ZNF438: variants seen among roughly 807,000 people sequenced by gnomAD.
ZNF438 encodes zinc finger protein 438.
A neutral mutation model predicts 38.0 loss-of-function variants in ZNF438; 25 were observed. The observed-to-expected ratio is 0.66, with a 90% CI of 0.48 to 0.92. The LOEUF (loss-of-function observed/expected upper bound fraction) is 0.92. ZNF438 is among the 40% of genes least tolerant of loss of function. The pLI, the probability that ZNF438 is intolerant of heterozygous loss-of-function variation, is 0.00. For synonymous variants in ZNF438, 372 were observed against 364.1 expected, an observed-to-expected ratio of 1.02 and a Z score of -0.25; for missense variants, 1,007 against 999.6, an observed-to-expected ratio of 1.01 and a Z score of -0.10.
At chr10:30,956,277 T>G (rs375618731) in intron 1 of ZNF438, among the ~76,000 whole-genome samples, 106 of 152,288 alleles carry the variant, frequency 7.0e-4, no homozygotes, top group African/African-American at 2.3e-3. Context: ...AGAGAGACTG[T>G]TAGTGAAATG....
chr10:31,011,041 A>G (rs2055649843), intron 1 of ZNF438, among the ~76,000 whole-genome samples: 3 of 152,150 alleles, frequency 2.0e-5, no homozygotes, highest in South Asian at 4.1e-4. Context: ...ACTCAGGAAG[A>G]TGCACCATGC....
chr10:30,848,412 T>G (rs1175856780), intron 5 of ZNF438, 119 bp downstream of exon 6: 74 of 1,229,056 alleles, frequency 6.0e-5, no homozygotes. Flanking sequence ...CATAGCTACT[T>G]TATGAAATCT....
intron 1 of ZNF438, among the ~76,000 whole-genome samples, chr10:30,978,110 C>T (rs770063461): frequency 5.3e-5 from 8 of 152,080 alleles, no homozygotes; most frequent in Non-Finnish European, 1.2e-4. Context: ...AACCAAGAAC[C>T]AGTTGTAATT....
intron 1 of ZNF438, among the ~76,000 whole-genome samples, chr10:31,029,238 T>C (rs2793117): frequency 0.016 from 2,484 of 152,322 alleles, 29 homozygotes; most frequent in Non-Finnish European, 0.026. Flanking sequence ...AATGGTTCCT[T>C]GCACATATAA....
chr10:30,901,699 C>T (rs1466482367), intron 3 of ZNF438, among the ~76,000 whole-genome samples: 1 of 151,128 alleles, frequency 6.6e-6, no homozygotes, highest in Admixed American at 6.6e-5. Context: ...TGGCGATAGG[C>T]GATGGTCCCT....
intron 4 of ZNF438, among the ~76,000 whole-genome samples, chr10:30,874,114 G>GTATATATATATATATATA (rs58422289): frequency 6.2e-5 from 5 of 80,288 alleles, no homozygotes; most frequent in South Asian, 3.9e-4. Context: ...GTGTGTGTGT[G>GTATATATATATATATATA]TATATATATA....
intron 3 of ZNF438, among the ~76,000 whole-genome samples, chr10:30,885,870 A>G (rs1432898533): frequency 2.0e-5 from 3 of 152,212 alleles, no homozygotes; most frequent in Non-Finnish European, 4.4e-5. Flanking sequence ...CCTGGGAAAT[A>G]AAAAAATTCA....
intron 2 of ZNF438, among the ~76,000 whole-genome samples, chr10:30,927,183 C>T (rs17229725): frequency 0.083 from 12,645 of 152,264 alleles, 606 homozygotes; most frequent in Non-Finnish European, 0.11. Flanking sequence ...GCACATGTTA[C>T]TAACTACAAG....
chr10:30,850,961 T>C (rs1371792972), intron 4 of ZNF438, among the ~76,000 whole-genome samples: 6 of 152,232 alleles, frequency 3.9e-5, no homozygotes, highest in South Asian at 2.1e-4. Context: ...TTTTGCACAG[T>C]GGATGCATTC....
chr10:30,864,774 G>T (rs538389738), intron 4 of ZNF438, among the ~76,000 whole-genome samples: 1 of 152,324 alleles, frequency 6.6e-6, no homozygotes, highest in South Asian at 2.1e-4. Context: ...ATCTATGGTA[G>T]ATGTGTACAT....
At chr10:30,975,112 G>A (rs2051190864) in intron 1 of ZNF438, among the ~76,000 whole-genome samples, 1 of 152,160 alleles carries the variant, frequency 6.6e-6, no homozygotes, top group African/African-American at 2.4e-5. Flanking sequence ...CTTAGTGACA[G>A]CATTGTTTTC....
At chr10:30,937,034 C>G (rs1038687987) in intron 2 of ZNF438, among the ~76,000 whole-genome samples, 1 of 152,146 alleles carries the variant, frequency 6.6e-6, no homozygotes, top group Non-Finnish European at 1.5e-5. Context: ...GGACCAGAAG[C>G]AAAAGAACCA....
chr10:30,973,634 T>C (rs2050995282), intron 1 of ZNF438, among the ~76,000 whole-genome samples: 1 of 152,212 alleles, frequency 6.6e-6, no homozygotes, highest in African/African-American at 2.4e-5. Context: ...CCGGAAGCTC[T>C]TGATAGAGAG....
intron 2 of ZNF438, 104 bp from the exon 4 acceptor site, chr10:30,909,119 GTATT>G (rs1254799724): frequency 3.3e-5 from 5 of 152,046 alleles, no homozygotes; most frequent in African/African-American, 9.7e-5. Context: ...AAAAATAACA[GTATT>G]TAGGATCTTA....
intron 1 of ZNF438, among the ~76,000 whole-genome samples, chr10:30,967,258 A>C (rs993841540): frequency 6.6e-6 from 1 of 152,228 alleles, no homozygotes; most frequent in African/African-American, 2.4e-5. Context: ...GGGGAAAAGA[A>C]GAGCCAGTAT....
chr10:31,001,932 T>C (rs1004923444), intron 1 of ZNF438, among the ~76,000 whole-genome samples: 1 of 152,052 alleles, frequency 6.6e-6, no homozygotes, highest in Non-Finnish European at 1.5e-5. Context: ...CAAATCAGAG[T>C]GCTCATTGGC....
At chr10:30,984,854 T>C (rs2052595874) in intron 1 of ZNF438, among the ~76,000 whole-genome samples, 1 of 152,220 alleles carries the variant, frequency 6.6e-6, no homozygotes, top group African/African-American at 2.4e-5. Context: ...ACATGTCTAG[T>C]AAAGTGTGTC....
At chr10:30,887,786 TATA>T (rs1176193891) in intron 3 of ZNF438, among the ~76,000 whole-genome samples, 1 of 152,296 alleles carries the variant, frequency 6.6e-6, no homozygotes, top group East Asian at 1.9e-4. Flanking sequence ...ATTGAAAATA[TATA>T]ATATCATCTC....
At chr10:31,003,182 C>T (rs1326509748) in intron 1 of ZNF438, among the ~76,000 whole-genome samples, 1 of 151,744 alleles carries the variant, frequency 6.6e-6, no homozygotes, top group African/African-American at 2.4e-5. Context: ...AAAAACCTGT[C>T]CCATCCCAAA....
Sources: allele counts gnomAD v4.1 joint callset (sites outside exome capture counted in the v4.1 genomes callset), GRCh38; gene constraint gnomAD v4.1.1; transcripts MANE v1.5; gene names NCBI Gene and HGNC (gene_info 2026-07-23, HGNC 2026-07-21).